The following PPP6R2 variants were observed in gnomAD, a reference collection of about 807,000 sequenced individuals.
PPP6R2 encodes the protein protein phosphatase 6 regulatory subunit 2.
Under a neutral mutation model 100.2 loss-of-function variants are expected in PPP6R2, and 62 were observed. That is an observed-to-expected ratio of 0.62 (90% CI 0.50 to 0.76). The LOEUF (loss-of-function observed/expected upper bound fraction) is 0.76. Ranked by LOEUF, PPP6R2 falls within the 30% of genes least tolerant of loss-of-function variation. PPP6R2 has a pLI of 0.00. For synonymous variants in PPP6R2, 525 were observed against 514.7 expected (o/e 1.02, Z -0.27); for missense variants, 1,142 against 1,276.3 (o/e 0.89, Z 1.60).
intron 4 of PPP6R2, among the ~76,000 whole-genome samples, chr22:50,409,138 C>G (rs981776119): frequency 6.6e-6 from 1 of 152,320 alleles, no homozygotes. Flanking sequence ...CTTGTTCTCA[C>G]GGCCAGCTGT....
At chr22:50,383,579 C>A (rs1232262007) in intron 2 of PPP6R2, among the ~76,000 whole-genome samples, 1 of 152,156 alleles carries the variant, frequency 6.6e-6, no homozygotes, top group South Asian at 2.1e-4. Flanking sequence ...TCTTTGCTTT[C>A]AGTGGGTTCC....
intron 4 of PPP6R2, among the ~76,000 whole-genome samples, chr22:50,412,630 CTTTTTTTTTTTTT>C (rs398037412): frequency 1.3e-5 from 1 of 79,866 alleles, no homozygotes; most frequent in African/African-American, 5.8e-5. Context: ...TAAATAAGTC[CTTTTTTTTTTTTT>C]TTTTTTTTTT....
chr22:50,380,361 C>T (rs1428343673), intron 2 of PPP6R2, among the ~76,000 whole-genome samples: 4 of 149,654 alleles, frequency 2.7e-5, no homozygotes, highest in African/African-American at 4.9e-5. Context: ...TGAGCCACCA[C>T]GCCTGATGTT....
At chr22:50,375,916 C>G (rs936747187) in intron 2 of PPP6R2, among the ~76,000 whole-genome samples, 2 of 136,096 alleles carry the variant, frequency 1.5e-5, no homozygotes, top group African/African-American at 2.8e-5. Flanking sequence ...TCTCGGTTCA[C>G]TGCAACCTCT....
intron 15 of PPP6R2, 26 bp from the exon 16 acceptor site, chr22:50,437,480 T>TCCCAG: frequency 1.4e-6 from 1 of 728,380 alleles, no homozygotes; most frequent in Non-Finnish European, 2.5e-6. Flanking sequence ...TGTCTGTCCG[T>TCCCAG]CCCTCCCTCC....
chr22:50,336,851 C>T, the PPP6R2 span, among the ~76,000 whole-genome samples: 3 of 151,886 alleles, frequency 2.0e-5, no homozygotes, highest in Non-Finnish European at 2.9e-5. Context: ...GGACTACAGG[C>T]GTGCACCACC....
intron 2 of PPP6R2, among the ~76,000 whole-genome samples, chr22:50,376,867 A>T (rs2051695148): frequency 6.6e-6 from 1 of 152,064 alleles, no homozygotes; most frequent in Non-Finnish European, 1.5e-5. Context: ...GTCTACTAAA[A>T]ATACAAAAAA....
chr22:50,432,183 C>G, intron 11 of PPP6R2, 82 bp from the exon 12 acceptor site: 1 of 1,315,118 alleles, frequency 7.6e-7, no homozygotes, highest in Non-Finnish European at 1.1e-6. Flanking sequence ...GCCAGCCAGC[C>G]CTGCCCAGTC....
chr22:50,376,075 C>T (rs953890080), intron 2 of PPP6R2, among the ~76,000 whole-genome samples: 7 of 151,266 alleles, frequency 4.6e-5, no homozygotes, highest in African/African-American at 1.2e-4. Flanking sequence ...TCAGGTGATC[C>T]GCCTGCAGAT....
intron 13 of PPP6R2, 55 bp from the exon 14 acceptor site, chr22:50,436,312 C>CTGCACCA: frequency 6.6e-7 from 1 of 1,507,662 alleles, no homozygotes; most frequent in Non-Finnish European, 9.0e-7. Flanking sequence ...CCCGGGTGCC[C>CTGCACCA]TGCACCATCT....
chr22:50,340,119 TAC>T (rs766140937), upstream of PPP6R2, among the ~76,000 whole-genome samples: 1 of 130,000 alleles, frequency 7.7e-6, no homozygotes, highest in Non-Finnish European at 1.6e-5. Context: ...GTGGTGTGTG[TAC>T]AGTGTGTGGT....
intron 22 of PPP6R2, among the ~76,000 whole-genome samples, chr22:50,441,697 G>GA (rs1446760294): frequency 1.3e-5 from 2 of 152,144 alleles, no homozygotes; most frequent in African/African-American, 4.8e-5. Flanking sequence ...AGAGAGTGGA[G>GA]AGGGAGGCTC....
chr22:50,357,505 T>TCTCTC (rs2046862884), intron 1 of PPP6R2, among the ~76,000 whole-genome samples: 6 of 151,516 alleles, frequency 4.0e-5, no homozygotes, highest in African/African-American at 1.5e-4. Context: ...CTCTCTCTCT[T>TCTCTC]TCTTTTTTGA....
intron 3 of PPP6R2, among the ~76,000 whole-genome samples, chr22:50,405,331 TGGCAGGCGAGTGTGAA>T (rs2147093435): frequency 7.9e-6 from 1 of 126,072 alleles, no homozygotes; most frequent in South Asian, 2.7e-4. Context: ...GTGAGAGGCC[TGGCAGGCGAGTGTGAA>T]GGCCTGGAGA....
At chr22:50,375,955 C>T (rs550596502) in intron 2 of PPP6R2, among the ~76,000 whole-genome samples, 47 of 150,274 alleles carry the variant, frequency 3.1e-4, no homozygotes, top group Middle Eastern at 6.8e-3. Context: ...ATTCTCCTAC[C>T]TCAGCCTTGC....
intron 1 of PPP6R2, among the ~76,000 whole-genome samples, chr22:50,348,581 G>T (rs2044275838): frequency 6.6e-6 from 1 of 152,158 alleles, no homozygotes; most frequent in Non-Finnish European, 1.5e-5. Context: ...AGGGCTGGGG[G>T]TGTTACTACA....
chr22:50,435,263 CAT>C (rs954287185), intron 13 of PPP6R2, among the ~76,000 whole-genome samples, 182 bp downstream of exon 13: 2 of 152,234 alleles, frequency 1.3e-5, no homozygotes, highest in African/African-American at 2.4e-5. Context: ...GCCTGGGTCT[CAT>C]GTGTCAGTTC....
chr22:50,437,156 C>T lies in PPP6R2; in HGVS notation c.1683+88C>T, dbSNP rs1350683328. ...TTGGTCCTCCAGACGAGTCTGATGG[C>T]ATCTCACTAGCAAAGGGGAGCGGGG... On this transcript the variant is annotated intron_variant, in intron 15 of 23. Transcript: ENST00000612753. 3.9e-6 allele frequency: 5 copies of T among 1,271,598 alleles called. No individual in the cohort carries two copies. In the African/African-American group the frequency reaches 5.9e-5, roughly 15 times the overall value. 78.8% of individuals were successfully genotyped at this position (1,271,598 alleles called of 1,614,324 possible).
chr22:50,338,162 C>T, the PPP6R2 span, among the ~76,000 whole-genome samples: 2 of 81,196 alleles, frequency 2.5e-5, no homozygotes, highest in South Asian at 4.3e-4. Context: ...TATGTGTGTG[C>T]GATGTGTGAG....
Sources: allele counts gnomAD v4.1 joint callset (sites outside exome capture counted in the v4.1 genomes callset), GRCh38; gene constraint gnomAD v4.1.1; transcripts MANE v1.5; gene names NCBI Gene and HGNC (gene_info 2026-07-23, HGNC 2026-07-21).